The following IL1RAP variants were observed in gnomAD, a reference collection of about 807,000 sequenced individuals.
The protein encoded by IL1RAP is interleukin 1 receptor accessory protein, also known as interleukin-1 receptor accessory protein.
Under a neutral mutation model 60.7 loss-of-function variants are expected in IL1RAP, and 35 were observed. The ratio of observed to expected loss-of-function variants is 0.58; its 90% CI spans 0.44 to 0.76. The LOEUF is 0.76. Ranked by LOEUF, IL1RAP falls within the 30% of genes least tolerant of loss-of-function variation. The pLI, the probability that IL1RAP is intolerant of heterozygous loss-of-function variation, is 0.00. For missense variants in IL1RAP, 572 were observed against 693.9 expected, an observed-to-expected ratio of 0.82 and a Z score of 1.97; for synonymous variants, 268 against 250.9, an observed-to-expected ratio of 1.07 and a Z score of -0.64.
chr3:190,588,226 G>C (rs1248436140), intron 3 of IL1RAP, among the ~76,000 whole-genome samples: 4 of 152,170 alleles, frequency 2.6e-5, no homozygotes, highest in Non-Finnish European at 4.4e-5. Context: ...CGATTCTCCT[G>C]CCTCAGCCTC....
chr3:190,615,630 A>G (rs1731201995), intron 5 of IL1RAP, among the ~76,000 whole-genome samples: 1 of 152,214 alleles, frequency 6.6e-6, no homozygotes, highest in Non-Finnish European at 1.5e-5. Context: ...CTTTTCTATT[A>G]TCTTTGTGGT....
chr3:190,638,241 C>A (rs1301646495), intron 9 of IL1RAP, among the ~76,000 whole-genome samples: 1 of 151,984 alleles, frequency 6.6e-6, no homozygotes, highest in Non-Finnish European at 1.5e-5. Flanking sequence ...ATTCCATATT[C>A]CACCATCAAC....
intron 3 of IL1RAP, among the ~76,000 whole-genome samples, chr3:190,572,417 G>T (rs980169495): frequency 2.0e-5 from 3 of 151,528 alleles, no homozygotes; most frequent in Admixed American, 2.0e-4. Context: ...AAGAAGGAGA[G>T]AAAAGAGGAA....
intron 3 of IL1RAP, among the ~76,000 whole-genome samples, chr3:190,602,410 CAT>C (rs1367006709): frequency 1.3e-5 from 2 of 152,022 alleles, no homozygotes; most frequent in Admixed American, 6.5e-5. Context: ...AAAATGAAAA[CAT>C]ATTATTTAAA....
At chr3:190,532,484 G>C (rs148448107) in intron 1 of IL1RAP, among the ~76,000 whole-genome samples, 1 of 151,932 alleles carries the variant, frequency 6.6e-6, no homozygotes, top group East Asian at 1.9e-4. Context: ...GGATGTTCTC[G>C]ATCTCCTGAC....
At chr3:190,535,669 G>A (rs551878077) in intron 1 of IL1RAP, among the ~76,000 whole-genome samples, 15 of 152,214 alleles carry the variant, frequency 9.9e-5, no homozygotes, top group Non-Finnish European at 2.1e-4. Flanking sequence ...TCTAGCTCAA[G>A]TTACAGTTTG....
intron 5 of IL1RAP, among the ~76,000 whole-genome samples, chr3:190,609,856 G>A (rs1401102719): frequency 2.0e-5 from 3 of 152,108 alleles, no homozygotes; most frequent in African/African-American, 7.2e-5. Flanking sequence ...GTGTTTGTGG[G>A]GAAGGAAGCA....
intron 8 of IL1RAP, 94 bp from the exon 9 acceptor site, chr3:190,629,256 G>C (rs746695778): frequency 7.1e-5 from 58 of 820,142 alleles, no homozygotes; most frequent in Middle Eastern, 6.3e-4. Flanking sequence ...CACCTGTAGT[G>C]GGGGTCTGTG....
At chr3:190,548,767 G>T (rs181378717) in intron 1 of IL1RAP, among the ~76,000 whole-genome samples, 15 of 152,256 alleles carry the variant, frequency 9.9e-5, no homozygotes, top group African/African-American at 3.4e-4. Flanking sequence ...GCTGCAGAAG[G>T]GACCTGAGTC....
intron 7 of IL1RAP, among the ~76,000 whole-genome samples, chr3:190,625,692 G>A (rs540365198): frequency 6.6e-6 from 1 of 152,020 alleles, no homozygotes; most frequent in Non-Finnish European, 1.5e-5. Flanking sequence ...GGAGAACAAT[G>A]CCAAAAAAAA....
chr3:190,581,236 C>T lies in IL1RAP; in HGVS notation c.64+16883C>T, dbSNP rs115761965. On this transcript the variant is annotated intron_variant, in intron 3 of 11. Coordinates refer to ENST00000447382, the MANE Select transcript of IL1RAP (RefSeq NM_002182.4). ...TGGACTCAAGTCAAATCCTGGTTTC[C>T]GTATGACTCTCAGTGTCCTTATCTA... Among the ~76,000 whole-genome samples, 21 of 152,266 alleles carry T rather than the reference C, an allele frequency of 1.4e-4. No individual in the cohort carries two copies. In the East Asian group the frequency reaches 2.7e-3, roughly 20 times the overall value.
intron 3 of IL1RAP, among the ~76,000 whole-genome samples, chr3:190,592,086 C>G (rs1015114772): frequency 2.6e-5 from 4 of 152,188 alleles, no homozygotes; most frequent in East Asian, 1.9e-4. Context: ...GTGGTGCGAT[C>G]TCGGCTCACT....
intron 3 of IL1RAP, among the ~76,000 whole-genome samples, chr3:190,591,525 G>A (rs903418721): frequency 1.3e-5 from 2 of 152,066 alleles, no homozygotes; most frequent in Middle Eastern, 3.2e-3. Flanking sequence ...TATCTTACTG[G>A]AATTCAGGGC....
At chr3:190,617,565 T>A (rs1731386592) in intron 5 of IL1RAP, among the ~76,000 whole-genome samples, 3 of 152,220 alleles carry the variant, frequency 2.0e-5, no homozygotes, top group Admixed American at 6.5e-5. Context: ...ATTGTGGAAA[T>A]TCACTTACTG....
intron 1 of IL1RAP, among the ~76,000 whole-genome samples, chr3:190,539,065 T>A (rs115631148): frequency 1.3e-5 from 2 of 152,266 alleles, no homozygotes; most frequent in Non-Finnish European, 2.9e-5. Flanking sequence ...CTTACCACCT[T>A]ATCAAATCTC....
At position 190,650,862 on chromosome 3, in the gene IL1RAP, C is replaced by T; in HGVS notation, c.*2157C>T. Reference sequence around the variant, plus strand: ...TTAGGCAAACAGGGAATAGTCTAGTCACCAAAGGACCATTCTCTTGCCAAT... The same window carrying T: ...TTAGGCAAACAGGGAATAGTCTAGTTACCAAAGGACCATTCTCTTGCCAAT... On this transcript the variant is annotated 3_prime_UTR_variant, in exon 12 of 12. Transcript: ENST00000447382. 1 of 985,368 alleles carries T rather than the reference C, an allele frequency of 1.0e-6. No homozygotes were observed. Among genetic ancestry groups the T allele is most frequent in the South Asian group, 4.7e-5 (1 of 21,280 alleles). 61.0% of individuals were successfully genotyped at this position (985,368 alleles called of 1,614,324 possible). A position where few individuals can be genotyped will look rare whatever the true frequency, so the allele number is the denominator to read the frequency against.
At position 190,552,112 on chromosome 3, in the gene IL1RAP, TA is replaced by T. The variant is rs1321158930; in HGVS notation, c.-88-4015del. Among the ~76,000 whole-genome samples the T allele has an allele frequency of 7.2e-5, 11 of 152,328 alleles. No homozygotes were observed. The East Asian group carries it at 1.9e-3, about 27-fold the overall frequency. ...GTGTCAGGAAAGACAATTTTGTAACTAAAGTTTGATTTTGGGAAGCCTGATA... is the reference window on the plus strand; with the variant it reads ...GTGTCAGGAAAGACAATTTTGTAACTAAGTTTGATTTTGGGAAGCCTGATA... On this transcript the variant is annotated intron_variant, in intron 1 of 11. Transcript: ENST00000447382.
At chr3:190,553,079 C>A (rs1314924825) in intron 1 of IL1RAP, among the ~76,000 whole-genome samples, 1 of 152,166 alleles carries the variant, frequency 6.6e-6, no homozygotes, top group Non-Finnish European at 1.5e-5. Flanking sequence ...AGATATCAAA[C>A]CCTGAAGAAC....
chr3:190,525,617 A>C (rs966805132), intron 1 of IL1RAP, among the ~76,000 whole-genome samples: 2 of 152,202 alleles, frequency 1.3e-5, no homozygotes, highest in Non-Finnish European at 2.9e-5. Context: ...TGATTTCATC[A>C]TGTAGGCTGT....
Sources: allele counts gnomAD v4.1 joint callset (sites outside exome capture counted in the v4.1 genomes callset), GRCh38; gene constraint gnomAD v4.1.1; transcripts MANE v1.5; gene names NCBI Gene and HGNC (gene_info 2026-07-23, HGNC 2026-07-21).